The following SLAMF1 variants were observed in gnomAD, a reference collection of about 807,000 sequenced individuals.
SLAMF1 encodes signaling lymphocytic activation molecule family member 1, also known as signaling lymphocytic activation molecule.
SLAMF1 carries 18 observed loss-of-function variants against 35.1 expected under a neutral mutation model. The ratio of observed to expected loss-of-function variants is 0.51; its 90% CI spans 0.35 to 0.76. The LOEUF (loss-of-function observed/expected upper bound fraction) is 0.76, where lower values mean the gene tolerates loss of function less well. SLAMF1 is among the 30% of genes least tolerant of loss of function. SLAMF1 has a pLI of 0.01. For synonymous variants in SLAMF1, 168 were observed against 157.2 expected, an observed-to-expected ratio of 1.07 and a Z score of -0.51; for missense variants, 392 against 413.0, an observed-to-expected ratio of 0.95 and a Z score of 0.44.
intron 6 of SLAMF1, 78 bp downstream of exon 6, chr1:160,612,410 T>TA (rs200238058): frequency 0.18 from 128,510 of 714,556 alleles, 43 homozygotes; most frequent in East Asian, 0.27. Context: ...CTTCCCACCT[T>TA]AAAAAAAAAA....
At chr1:160,635,604 C>G (rs1293111918) in intron 2 of SLAMF1, among the ~76,000 whole-genome samples, 2 of 148,076 alleles carry the variant, frequency 1.4e-5, no homozygotes, top group African/African-American at 5.0e-5. Context: ...CAGAGTCTCG[C>G]TCTGTCACCT....
chr1:160,642,016 T>A lies in SLAMF1; in HGVS notation c.77-4487A>T, dbSNP rs1003069347. Among the ~76,000 whole-genome samples the A allele has an allele frequency of 6.6e-6, 1 of 152,146 alleles. No individual in the cohort carries two copies. The highest frequency in any genetic ancestry group is 1.5e-5 in the Non-Finnish European group (1 of 68,040). ...AGATGGGCTTCTACCTAATGATAAC[T>A]CTTTTTGTTTTATTGTATTATATTT... On this transcript the variant is annotated intron_variant, in intron 1 of 6. Transcript: ENST00000302035. The surrounding 1 kb of genome is among the most constrained non-coding windows in gnomAD (Gnocchi z 4.2).
intron 4 of SLAMF1, among the ~76,000 whole-genome samples, chr1:160,621,942 T>C (rs1312760988): frequency 1.3e-5 from 2 of 151,066 alleles, no homozygotes; most frequent in African/African-American, 4.9e-5. Context: ...AGGTTCAAGT[T>C]AGTCCCCACG....
intron 1 of SLAMF1, among the ~76,000 whole-genome samples, chr1:160,640,972 G>C (rs887095880): frequency 6.6e-6 from 1 of 152,126 alleles, no homozygotes; most frequent in Non-Finnish European, 1.5e-5. Context: ...ACTTATGGAT[G>C]CCTGACTGTC....
chr1:160,629,145 G>C (rs192129488), intron 3 of SLAMF1, among the ~76,000 whole-genome samples: 2 of 152,262 alleles, frequency 1.3e-5, no homozygotes, highest in African/African-American at 4.8e-5. Flanking sequence ...TGCCATTTGG[G>C]AAGAGTGCTT....
intron 1 of SLAMF1, among the ~76,000 whole-genome samples, chr1:160,643,737 A>C (rs1192909090): frequency 6.6e-6 from 1 of 152,216 alleles, no homozygotes; most frequent in Non-Finnish European, 1.5e-5. Flanking sequence ...TATCACCTTG[A>C]GTATTTCTCT....
intron 4 of SLAMF1, among the ~76,000 whole-genome samples, chr1:160,621,463 A>G (rs71628183): frequency 0.014 from 2,102 of 150,884 alleles, 22 homozygotes; most frequent in Middle Eastern, 0.024. Flanking sequence ...GGAGGCTGAG[A>G]CAGAAGAACT....
intron 6 of SLAMF1, 71 bp downstream of exon 6, chr1:160,612,417 A>G (rs1659034413): frequency 9.3e-7 from 1 of 1,070,522 alleles, no homozygotes; most frequent in African/African-American, 1.6e-5. Context: ...CCTTAAAAAA[A>G]AAAAACTTCC....
chr1:160,629,813 G>A (rs970555369), intron 3 of SLAMF1, among the ~76,000 whole-genome samples: 7 of 152,126 alleles, frequency 4.6e-5, no homozygotes, highest in African/African-American at 1.7e-4. Flanking sequence ...CCAGGCTCTG[G>A]GCTGTGCAAA....
At chr1:160,612,809 A>G (rs1026735300) in intron 5 of SLAMF1, among the ~76,000 whole-genome samples, 6 of 152,144 alleles carry the variant, frequency 3.9e-5, no homozygotes, top group African/African-American at 1.4e-4. Context: ...ACAACCTCCC[A>G]AGGCAGCCTC....
intron 5 of SLAMF1, among the ~76,000 whole-genome samples, chr1:160,618,402 G>A (rs1260431083): frequency 1.3e-5 from 2 of 148,498 alleles, no homozygotes; most frequent in Non-Finnish European, 3.0e-5. Context: ...ATGTGAGAGT[G>A]AGTGTGTGTG....
chr1:160,614,602 C>T (rs1391983207), intron 5 of SLAMF1, among the ~76,000 whole-genome samples: 1 of 150,966 alleles, frequency 6.6e-6, no homozygotes, highest in Non-Finnish European at 1.5e-5. Context: ...GAAGAGAGAC[C>T]TTTATCAACA....
At chr1:160,628,878 G>A (rs1399103531) in intron 3 of SLAMF1, among the ~76,000 whole-genome samples, 1 of 152,198 alleles carries the variant, frequency 6.6e-6, no homozygotes, top group Non-Finnish European at 1.5e-5. Context: ...TGCCATCGGC[G>A]CTTCACCTGT....
intron 1 of SLAMF1, among the ~76,000 whole-genome samples, chr1:160,638,313 C>T (rs956466157): frequency 3.3e-5 from 5 of 152,052 alleles, no homozygotes; most frequent in African/African-American, 1.2e-4. Flanking sequence ...AAATAGAAAA[C>T]ACAAAAAGAG....
intron 3 of SLAMF1, chr1:160,634,349 G>A: frequency 1.0e-6 from 1 of 972,986 alleles, no homozygotes; most frequent in Non-Finnish European, 1.2e-6. Flanking sequence ...AGGCAGAGAA[G>A]GCTACGCCTT....
At position 160,608,838 on chromosome 1, in the gene SLAMF1, T is replaced by A. The variant is rs964337598; in HGVS notation, c.*1910A>T. 3 of 152,166 alleles carry A rather than the reference T, an allele frequency of 2.0e-5. No individual in the cohort carries two copies. The highest frequency in any genetic ancestry group is 7.2e-5 in the African/African-American group (3 of 41,430). The allele number at this position is 152,166 out of a possible 1,614,324, so 9.4% of individuals were successfully genotyped here. ...GGTTATACAAGGGTGGCGTAGTGGATAATTGTGAGGCTTTTTTGTCTGCCT... is the reference window on the plus strand; with the variant it reads ...GGTTATACAAGGGTGGCGTAGTGGAAAATTGTGAGGCTTTTTTGTCTGCCT... On this transcript the variant is annotated 3_prime_UTR_variant, in exon 7 of 7. Transcript: ENST00000302035.
intron 3 of SLAMF1, among the ~76,000 whole-genome samples, chr1:160,630,132 A>G (rs912799356): frequency 4.6e-5 from 7 of 152,160 alleles, no homozygotes; most frequent in African/African-American, 1.4e-4. Flanking sequence ...TAGCACAGCC[A>G]TATCTATTTC....
At chr1:160,635,342 T>G (rs1558012702) in intron 2 of SLAMF1, among the ~76,000 whole-genome samples, 1 of 152,144 alleles carries the variant, frequency 6.6e-6, no homozygotes, top group Non-Finnish European at 1.5e-5. Flanking sequence ...TGTGTATGTG[T>G]GTGCGTGCGC....
intron 3 of SLAMF1, among the ~76,000 whole-genome samples, chr1:160,624,886 T>A (rs1659799099): frequency 6.6e-6 from 1 of 152,236 alleles, no homozygotes. Flanking sequence ...AAACAGTGAA[T>A]GAGAATTATC....
Sources: allele counts gnomAD v4.1 joint callset (sites outside exome capture counted in the v4.1 genomes callset), GRCh38; gene constraint gnomAD v4.1.1; non-coding constraint Gnocchi (gnomAD v3.1); transcripts MANE v1.5; gene names NCBI Gene and HGNC (gene_info 2026-07-23, HGNC 2026-07-21).